Variants in ZBTB46 observed in about 807,000 individuals in gnomAD.
ZBTB46 encodes the protein zinc finger and BTB domain containing 46.
Under a neutral mutation model 44.1 loss-of-function variants are expected in ZBTB46, and 8 were observed. The ratio of observed to expected loss-of-function variants is 0.18; its 90% CI spans 0.11 to 0.33. The LOEUF (loss-of-function observed/expected upper bound fraction) is 0.33, where lower values mean the gene tolerates loss of function less well. ZBTB46 is among the 10% of genes least tolerant of loss of function. The pLI is 1.00. For synonymous variants in ZBTB46, 409 were observed against 382.3 expected, an observed-to-expected ratio of 1.07 and a Z score of -0.81; for missense variants, 651 against 847.7, an observed-to-expected ratio of 0.77 and a Z score of 2.88.
intron 2 of ZBTB46, among the ~76,000 whole-genome samples, chr20:63,786,780 A>G (rs748265806): frequency 2.2e-4 from 33 of 152,146 alleles, no homozygotes; most frequent in Non-Finnish European, 3.1e-4. Context: ...AAAGTGCTGG[A>G]ATTACAGGCG....
At chr20:63,816,487 G>T in intron 1 of ZBTB46, 1 of 153,400 alleles carries the variant, frequency 6.5e-6, no homozygotes. Context: ...CACACTGGCT[G>T]AATGCATTAG....
intron 1 of ZBTB46, among the ~76,000 whole-genome samples, chr20:63,802,535 A>C (rs910504244): frequency 1.3e-5 from 2 of 152,104 alleles, no homozygotes; most frequent in Admixed American, 1.3e-4. Flanking sequence ...AGGCCCCGGC[A>C]AGAGGCTGGA....
At chr20:63,816,432 T>C (rs2092758999) in intron 1 of ZBTB46, 1 of 157,938 alleles carries the variant, frequency 6.3e-6, no homozygotes, top group African/African-American at 2.4e-5. Context: ...ACCTGCTGTG[T>C]ACCCAGGCCA....
chr20:63,816,245 G>A lies in ZBTB46; in HGVS notation c.-34+14852C>T, dbSNP rs373279967. On this transcript the variant is annotated intron_variant, in intron 1 of 4. Transcript: ENST00000245663. ...CAGAGGAGGGCCCGAGTCCTGCTTC[G>A]GATTGGGAGGCACAAGCAGCCGCAA... 5.8e-5 allele frequency: 13 copies of A among 224,344 alleles called. 1 individual carries two copies. The highest frequency in any genetic ancestry group is 4.0e-4 in the South Asian group (9 of 22,548). The allele number at this position is 224,344 out of a possible 1,614,324, so 13.9% of individuals were successfully genotyped here. A position where few individuals can be genotyped will look rare whatever the true frequency, so the allele number is the denominator to read the frequency against.
Position 63,767,998 on chromosome 20 carries a change from G to GA in ZBTB46, c.1222+7679dup, listed in dbSNP as rs1173078975. Reference sequence around the variant, plus strand: ...AGGTGTCGATCTGGAACCAGAGACAGACAAGTTACAGACCGTCAGGATGGG... The same window carrying GA: ...AGGTGTCGATCTGGAACCAGAGACAGAACAAGTTACAGACCGTCAGGATGGG... On this transcript the variant is annotated intron_variant, in intron 3 of 4. Coordinates refer to ENST00000245663, the MANE Select transcript of ZBTB46 (RefSeq NM_001369741.1). The surrounding 1 kb of genome is among the most constrained non-coding windows in gnomAD (Gnocchi z 5.0). The GA allele has an allele frequency of 1.0e-6, 1 of 985,352 alleles. No individual in the cohort carries two copies. Among genetic ancestry groups the GA allele is most frequent in the Non-Finnish European group, 1.2e-6 (1 of 829,952 alleles). The allele number at this position is 985,352 out of a possible 1,614,324, so 61.0% of individuals were successfully genotyped here. A position where few individuals can be genotyped will look rare whatever the true frequency, so the allele number is the denominator to read the frequency against.
rs144735731 is a variant in ZBTB46 at position 63,820,700 on chromosome 20, G to A, written c.-34+10397C>T. ...GCCCACCTGGGCCTTCCAAAGTTCT[G>A]GGATTACAGGCGTGAGCCACCGCGC... On this transcript the variant is annotated intron_variant, in intron 1 of 4. Transcript: ENST00000245663. Among the ~76,000 whole-genome samples, 1,319 of 152,108 alleles carry A rather than the reference G, an allele frequency of 8.7e-3. 31 individuals are homozygous for A. Among genetic ancestry groups the A allele is most frequent in the African/African-American group, 0.03 (1,243 of 41,486 alleles).
At chr20:63,800,929 G>A (rs919770771) in intron 1 of ZBTB46, among the ~76,000 whole-genome samples, 8 of 152,238 alleles carry the variant, frequency 5.3e-5, no homozygotes, top group East Asian at 1.9e-4. Flanking sequence ...TGCACAGAGC[G>A]GGACTGGCAG....
chr20:63,792,669 C>G (rs1033545986), intron 1 of ZBTB46, among the ~76,000 whole-genome samples: 6 of 152,150 alleles, frequency 3.9e-5, no homozygotes, highest in African/African-American at 1.4e-4. Context: ...ACACCCGCCA[C>G]CACGCCTGGC....
chr20:63,784,149 A>C (rs1029863150), intron 2 of ZBTB46, among the ~76,000 whole-genome samples: 1 of 152,184 alleles, frequency 6.6e-6, no homozygotes, highest in Non-Finnish European at 1.5e-5. Context: ...CCCTCCGCTC[A>C]CCAGTTCCTG....
intron 3 of ZBTB46, among the ~76,000 whole-genome samples, chr20:63,759,601 T>G (rs527944965): frequency 6.6e-6 from 1 of 152,216 alleles, no homozygotes; most frequent in Middle Eastern, 3.4e-3. Flanking sequence ...GGGAGGTTCC[T>G]GACATGACAC....
chr20:63,771,365 T>G (rs570806343), intron 3 of ZBTB46, among the ~76,000 whole-genome samples: 73 of 152,164 alleles, frequency 4.8e-4, no homozygotes, highest in African/African-American at 1.7e-3. Flanking sequence ...GACACGGCTC[T>G]GCGTCCATGA....
At chr20:63,774,849 G>A (rs536316587) in intron 3 of ZBTB46, among the ~76,000 whole-genome samples, 24 of 151,796 alleles carry the variant, frequency 1.6e-4, no homozygotes, top group Non-Finnish European at 2.2e-4. Context: ...GACTACAGGC[G>A]CCCGCCACCA....
chr20:63,833,694 T>G (rs903394154), upstream of ZBTB46, among the ~76,000 whole-genome samples: 5 of 152,036 alleles, frequency 3.3e-5, no homozygotes, highest in African/African-American at 1.2e-4. Context: ...CGCTTCCCCC[T>G]CGGCAACACT....
intron 3 of ZBTB46, among the ~76,000 whole-genome samples, chr20:63,773,763 G>A (rs59496954): frequency 0.27 from 40,909 of 151,924 alleles, 5,844 homozygotes; most frequent in Middle Eastern, 0.37. Flanking sequence ...GCCGCTGGCC[G>A]CACCCAGCCT....
chr20:63,833,597 GA>G (rs963871494), upstream of ZBTB46, among the ~76,000 whole-genome samples: 4 of 150,772 alleles, frequency 2.7e-5, no homozygotes, highest in African/African-American at 9.7e-5. Flanking sequence ...TCTCAAAAAA[GA>G]AAAAAAAAGA....
At chr20:63,780,003 T>G (rs1307989591) in intron 2 of ZBTB46, among the ~76,000 whole-genome samples, 3 of 152,158 alleles carry the variant, frequency 2.0e-5, no homozygotes, top group African/African-American at 7.2e-5. Flanking sequence ...CCAGGCACAG[T>G]GTCTCATGCC....
rs911234974 is a variant in ZBTB46 at position 63,749,368 on chromosome 20, G to C, written c.1399-2067C>G. ...ATTTATTTTTTTGAAACAGAGTCTC[G>C]CTCTGTCACCCAGGCTGGAGTGTAG... On this transcript the variant is annotated intron_variant, in intron 4 of 4. Transcript: ENST00000245663. Among the ~76,000 whole-genome samples the C allele has an allele frequency of 3.9e-5, 6 of 152,174 alleles. No homozygotes were observed. The South Asian group carries it at 8.3e-4, about 21-fold the overall frequency.
At chr20:63,775,567 G>GC in intron 3 of ZBTB46, 111 bp downstream of exon 3, 1 of 1,407,010 alleles carries the variant, frequency 7.1e-7, no homozygotes, top group Non-Finnish European at 9.4e-7. Context: ...TCAGCAGGCG[G>GC]CCGAGCAGCA....
At chr20:63,771,155 G>A (rs1398673692) in intron 3 of ZBTB46, among the ~76,000 whole-genome samples, 3 of 152,228 alleles carry the variant, frequency 2.0e-5, no homozygotes, top group Non-Finnish European at 4.4e-5. Flanking sequence ...GCTGGGTACC[G>A]GGGACCCTCG....
Sources: allele counts gnomAD v4.1 joint callset (sites outside exome capture counted in the v4.1 genomes callset), GRCh38; gene constraint gnomAD v4.1.1; non-coding constraint Gnocchi (gnomAD v3.1); transcripts MANE v1.5; gene names NCBI Gene and HGNC (gene_info 2026-07-23, HGNC 2026-07-21).